Variants in IL2RA observed in about 807,000 individuals in gnomAD.
IL2RA encodes interleukin-2 receptor subunit alpha.
A neutral mutation model predicts 37.8 loss-of-function variants in IL2RA; 24 were observed. The ratio of observed to expected loss-of-function variants is 0.63; its 90% CI spans 0.46 to 0.89. The LOEUF (loss-of-function observed/expected upper bound fraction) is 0.89. IL2RA is among the 40% of genes least tolerant of loss of function. IL2RA has a pLI of 0.00. For missense variants in IL2RA, 319 were observed against 348.6 expected (o/e 0.92, Z 0.68); for synonymous variants, 125 against 114.6 (o/e 1.09, Z -0.58).
intron 7 of IL2RA, 108 bp from the exon 8 acceptor site, chr10:6,013,004 AT>A: frequency 9.5e-7 from 1 of 1,057,678 alleles, no homozygotes; most frequent in Non-Finnish European, 1.5e-6. Context: ...TAATTTTTGT[AT>A]TTTTAGTAGA....
chr10:6,043,942 G>T (rs1839810785), intron 1 of IL2RA, among the ~76,000 whole-genome samples: 1 of 152,162 alleles, frequency 6.6e-6, no homozygotes. Context: ...CTTTACCAAA[G>T]CTTCTTCCAA....
chr10:6,043,094 C>G (rs1839796557), intron 1 of IL2RA, among the ~76,000 whole-genome samples: 1 of 152,092 alleles, frequency 6.6e-6, no homozygotes, highest in Admixed American at 6.5e-5. Flanking sequence ...AGGGAAAAAT[C>G]AGATACAATC....
At position 6,018,136 on chromosome 10, in the gene IL2RA, G is replaced by A. The variant is rs1564540920; in HGVS notation, c.728-17C>T. On this transcript the variant is annotated splice_polypyrimidine_tract_variant and intron_variant, in intron 6 of 7. Transcript: ENST00000379959. The surrounding 1 kb of genome is among the most constrained non-coding windows in gnomAD (Gnocchi z 5.1). ...AGCCGGCCACTGTCAATAGAGAGAGGGAGTTCAGCAAAGGGCCCTGGGCTT... is the reference window on the plus strand; with the variant it reads ...AGCCGGCCACTGTCAATAGAGAGAGAGAGTTCAGCAAAGGGCCCTGGGCTT... The A allele has an allele frequency of 1.2e-6, 2 of 1,611,992 alleles. No individual in the cohort carries two copies. Among genetic ancestry groups the A allele is most frequent in the Non-Finnish European group, 1.7e-6 (2 of 1,178,330 alleles).
At chr10:6,017,334 G>A (rs954182946) in intron 7 of IL2RA, 1 of 153,126 alleles carries the variant, frequency 6.5e-6, no homozygotes, top group African/African-American at 2.4e-5. Flanking sequence ...TGCTGCCCTG[G>A]GTCCTCTATA....
chr10:6,031,572 GA>G (rs1178030398), intron 1 of IL2RA, among the ~76,000 whole-genome samples: 1 of 140,464 alleles, frequency 7.1e-6, no homozygotes, highest in Non-Finnish European at 1.5e-5. Context: ...CAACCAATTA[GA>G]AAATTAAAAA....
At chr10:6,039,392 T>C (rs1839736871) in intron 1 of IL2RA, 1 of 152,216 alleles carries the variant, frequency 6.6e-6, no homozygotes, top group Non-Finnish European at 1.5e-5. Flanking sequence ...AGGATAAATT[T>C]AGAAATCTAC....
chr10:6,057,818 G>C lies in IL2RA; in HGVS notation c.64+4270C>G, dbSNP rs1840069971. Among the ~76,000 whole-genome samples the C allele has an allele frequency of 6.6e-6, 1 of 152,112 alleles. No homozygotes were observed. Among genetic ancestry groups the C allele is most frequent in the Non-Finnish European group, 1.5e-5 (1 of 68,030 alleles). ...TGATATCCATAGCTCGCAGAAGAAT[G>C]ACTCCAACAAAAAAGTCACAAAGAG... On this transcript the variant is annotated intron_variant, in intron 1 of 7. Transcript: ENST00000379959. This position sits in a 1 kb window ranked among gnomAD's most constrained non-coding sequence, Gnocchi z 4.8.
chr10:6,012,598 T>C lies in IL2RA; in HGVS notation c.*274A>G, dbSNP rs185829590. The stretch of plus-strand genomic sequence containing the variant: ...TGAACACATATACATGAAAATAAGA[T>C]GGAGAGTTCTAGTGGTTTTGCCCTT... On this transcript the variant is annotated 3_prime_UTR_variant, in exon 8 of 8. Transcript: ENST00000379959. This position sits in a 1 kb window ranked among gnomAD's most constrained non-coding sequence, Gnocchi z 4.8. The C allele has an allele frequency of 1.8e-6, 1 of 567,440 alleles. No individual in the cohort carries two copies. Among genetic ancestry groups the C allele is most frequent in the African/African-American group, 1.9e-5 (1 of 53,288 alleles). The allele number at this position is 567,440 out of a possible 1,614,324, so 35.2% of individuals were successfully genotyped here.
intron 1 of IL2RA, among the ~76,000 whole-genome samples, chr10:6,051,834 TATATATA>T (rs1422564445): frequency 1.7e-5 from 2 of 119,616 alleles, no homozygotes; most frequent in African/African-American, 6.2e-5. Flanking sequence ...TATATATATA[TATATATA>T]TAGAATTTTT....
intron 1 of IL2RA, among the ~76,000 whole-genome samples, chr10:6,052,814 G>T (rs764521400): frequency 1.3e-5 from 2 of 152,142 alleles, no homozygotes; most frequent in Non-Finnish European, 2.9e-5. Flanking sequence ...GGTGACTCAC[G>T]CCCGGAGGTG....
intron 1 of IL2RA, among the ~76,000 whole-genome samples, chr10:6,031,455 CAT>C (rs869288057): frequency 3.0e-5 from 2 of 67,178 alleles, no homozygotes; most frequent in East Asian, 8.4e-4. Flanking sequence ...TATATATATA[CAT>C]ATATATATAT....
chr10:6,030,691 G>A (rs920615881), intron 1 of IL2RA, among the ~76,000 whole-genome samples: 6 of 152,184 alleles, frequency 3.9e-5, no homozygotes, highest in African/African-American at 1.4e-4. Flanking sequence ...TCGACATGAA[G>A]TAATAAAGAA....
At chr10:6,049,088 G>C (rs1839908476) in intron 1 of IL2RA, among the ~76,000 whole-genome samples, 1 of 152,216 alleles carries the variant, frequency 6.6e-6, no homozygotes, top group African/African-American at 2.4e-5. Flanking sequence ...AATTATGGAG[G>C]CTGAGAAGTC....
intron 7 of IL2RA, among the ~76,000 whole-genome samples, chr10:6,016,144 C>A (rs568218342): frequency 6.8e-6 from 1 of 147,562 alleles, no homozygotes; most frequent in Admixed American, 6.6e-5. Flanking sequence ...GATCAGGTCG[C>A]GAGGGCTCTG....
Position 6,025,022 on chromosome 10 carries a change from C to T in IL2RA, c.257-668G>A, listed in dbSNP as rs957633124. Among the ~76,000 whole-genome samples the T allele has an allele frequency of 1.3e-5, 2 of 152,150 alleles. No homozygotes were observed. The highest frequency in any genetic ancestry group is 6.5e-5 in the Admixed American group (1 of 15,276). ...CTGAGGCAGGAGGACTGCTTGAGCC[C>T]AGGAGTTTAAGACCAGCCTGGACAA... is the stretch of plus-strand genomic sequence containing the variant. On this transcript the variant is annotated intron_variant, in intron 2 of 7. Transcript: ENST00000379959. This position sits in a 1 kb window ranked among gnomAD's most constrained non-coding sequence, Gnocchi z 4.4.
At chr10:6,050,363 G>A (rs1411813823) in intron 1 of IL2RA, among the ~76,000 whole-genome samples, 8 of 152,174 alleles carry the variant, frequency 5.3e-5, no homozygotes, top group Non-Finnish European at 1.0e-4. Flanking sequence ...GTGGCAGGGC[G>A]TGGTGGCTCA....
intron 1 of IL2RA, among the ~76,000 whole-genome samples, chr10:6,030,638 A>C (rs1160889894): frequency 6.6e-6 from 1 of 152,238 alleles, no homozygotes; most frequent in African/African-American, 2.4e-5. Context: ...ACTAAAGAAA[A>C]ATTTTCAAGC....
chr10:6,032,409 T>G (rs1160866138), intron 1 of IL2RA, among the ~76,000 whole-genome samples: 1 of 152,032 alleles, frequency 6.6e-6, no homozygotes, highest in Non-Finnish European at 1.5e-5. Flanking sequence ...AATGAAAAAG[T>G]AGGCAGGGTG....
intron 1 of IL2RA, among the ~76,000 whole-genome samples, chr10:6,055,835 C>T (rs555023329): frequency 5.5e-3 from 22 of 4,028 alleles, no homozygotes; most frequent in Admixed American, 7.0e-3. Flanking sequence ...GCGGGGGGGC[C>T]GACTCCCCCC....
Sources: gnomAD v4.1 joint callset for allele counts (sites outside exome capture counted in the v4.1 genomes callset) on GRCh38, gnomAD v4.1.1 for gene constraint, Gnocchi (gnomAD v3.1) non-coding constraint, MANE v1.5 for transcripts, NCBI Gene and HGNC (gene_info 2026-07-23, HGNC 2026-07-21) for gene names.